Variants in ARHGAP32 observed in about 807,000 individuals in gnomAD.
ARHGAP32 encodes the protein rho GTPase-activating protein 32.
In ARHGAP32, 51 loss-of-function variants were observed where a neutral mutation model predicts 186.5. That is an observed-to-expected ratio of 0.27 (90% CI 0.22 to 0.35). The LOEUF (loss-of-function observed/expected upper bound fraction) is 0.35, where lower values mean the gene tolerates loss of function less well. Ranked by LOEUF, ARHGAP32 falls within the 10% of genes least tolerant of loss-of-function variation. The pLI is 1.00. For synonymous variants in ARHGAP32, 950 were observed against 964.3 expected (o/e 0.99, Z 0.27); for missense variants, 2,186 against 2,623.5 (o/e 0.83, Z 3.64).
At chr11:129,166,997 A>C (rs1943654089) in intron 1 of ARHGAP32, among the ~76,000 whole-genome samples, 1 of 152,182 alleles carries the variant, frequency 6.6e-6, no homozygotes, top group African/African-American at 2.4e-5. Flanking sequence ...TAAGTCAAAT[A>C]TATGTTGCAG....
chr11:129,117,284 C>T (rs947884182), intron 5 of ARHGAP32, among the ~76,000 whole-genome samples: 1 of 151,924 alleles, frequency 6.6e-6, no homozygotes, highest in Admixed American at 6.6e-5. Context: ...AATTTCTGTA[C>T]CTGAAATTGT....
At chr11:129,133,368 A>G (rs1942862147) in intron 2 of ARHGAP32, among the ~76,000 whole-genome samples, 1 of 152,214 alleles carries the variant, frequency 6.6e-6, no homozygotes, top group Non-Finnish European at 1.5e-5. Flanking sequence ...GAAATTTCTG[A>G]AAACAATACA....
In ARHGAP32 at chr11:128,965,107, T is replaced by C. The variant is rs914768135; in HGVS notation, c.*3800A>G. On this transcript the variant is annotated 3_prime_UTR_variant, in exon 23 of 23. Coordinates refer to ENST00000682385, the MANE Select transcript of ARHGAP32 (RefSeq NM_001378024.1). Reference sequence around the variant, plus strand: ...CTGTTGATATTTGAATCACTTTCAGTGGGACATTTGCTTTAAACCACAAGA... The same window carrying C: ...CTGTTGATATTTGAATCACTTTCAGCGGGACATTTGCTTTAAACCACAAGA... 1 of 152,118 alleles carries C rather than the reference T, an allele frequency of 6.6e-6. No homozygotes were observed. The highest frequency in any genetic ancestry group is 1.9e-4 in the East Asian group (1 of 5,194). 9.4% of individuals were successfully genotyped at this position (152,118 alleles called of 1,614,324 possible). A position where few individuals can be genotyped will look rare whatever the true frequency, so the allele number is the denominator to read the frequency against.
chr11:129,053,015 C>A (rs1417334821), intron 10 of ARHGAP32, among the ~76,000 whole-genome samples: 1 of 151,940 alleles, frequency 6.6e-6, no homozygotes, highest in African/African-American at 2.4e-5. Context: ...TGAGTTTTTA[C>A]ATGTATACAT....
intron 11 of ARHGAP32, among the ~76,000 whole-genome samples, chr11:129,035,512 A>G (rs1939293206): frequency 6.6e-6 from 1 of 152,236 alleles, no homozygotes; most frequent in South Asian, 2.1e-4. Flanking sequence ...AACAAGCCCA[A>G]GGCTGACAGA....
intron 14 of ARHGAP32, among the ~76,000 whole-genome samples, 153 bp downstream of exon 14, chr11:128,986,371 A>C (rs1945872255): frequency 2.0e-5 from 3 of 152,224 alleles, no homozygotes; most frequent in Admixed American, 2.0e-4. Context: ...AACAGCAAAG[A>C]CCACCGACTA....
intron 18 of ARHGAP32, 108 bp from the exon 19 acceptor site, chr11:128,979,023 T>C (rs1945632662): frequency 2.0e-6 from 2 of 992,096 alleles, no homozygotes; most frequent in East Asian, 5.2e-5. Context: ...TGGAGAAGCA[T>C]AAGTGAAACA....
chr11:129,067,752 G>T (rs574541332), intron 6 of ARHGAP32, among the ~76,000 whole-genome samples: 2 of 152,042 alleles, frequency 1.3e-5, no homozygotes, highest in Non-Finnish European at 2.9e-5. Flanking sequence ...TGGAGGGTCT[G>T]AAAGAAAAAG....
intron 2 of ARHGAP32, among the ~76,000 whole-genome samples, chr11:129,135,750 G>A (rs1224727253): frequency 6.6e-6 from 1 of 151,270 alleles, no homozygotes; most frequent in Non-Finnish European, 1.5e-5. Flanking sequence ...CTGGGCAACA[G>A]AGCGAGACTC....
intron 1 of ARHGAP32, among the ~76,000 whole-genome samples, chr11:129,255,012 G>A (rs1353737220): frequency 6.6e-6 from 1 of 152,078 alleles, no homozygotes; most frequent in Non-Finnish European, 1.5e-5. Flanking sequence ...ATGCTGTATG[G>A]TCAAAGTTAG....
intron 6 of ARHGAP32, among the ~76,000 whole-genome samples, chr11:129,085,744 C>A (rs1339007711): frequency 6.6e-6 from 1 of 152,084 alleles, no homozygotes; most frequent in East Asian, 1.9e-4. Flanking sequence ...TGGCTCATAC[C>A]TGTAATCCCA....
chr11:129,162,196 G>A (rs911961848), intron 2 of ARHGAP32, among the ~76,000 whole-genome samples: 1 of 152,040 alleles, frequency 6.6e-6, no homozygotes, highest in East Asian at 1.9e-4. Context: ...CCTAATGAAG[G>A]TGACAGGTGG....
At chr11:129,172,441 T>C (rs1192641255) in intron 1 of ARHGAP32, among the ~76,000 whole-genome samples, 1 of 152,156 alleles carries the variant, frequency 6.6e-6, no homozygotes, top group Non-Finnish European at 1.5e-5. Context: ...TGGTTTTGTC[T>C]TTGGTTCTGA....
chr11:129,250,398 T>C (rs1945165131), intron 1 of ARHGAP32, among the ~76,000 whole-genome samples: 1 of 152,210 alleles, frequency 6.6e-6, no homozygotes, highest in Admixed American at 6.5e-5. Flanking sequence ...ATTTTACATA[T>C]TGAATTACTA....
chr11:129,041,013 A>T lies in ARHGAP32; in HGVS notation c.964-4T>A. The T allele has an allele frequency of 1.9e-6, 3 of 1,584,910 alleles. No individual in the cohort carries two copies. The highest frequency in any genetic ancestry group is 2.6e-6 in the Non-Finnish European group (3 of 1,163,786). ...AGTGTCCAGGGAAGAGTCCCACCTGATGAAAAGCAACAAAGAAAGGATTCT... is the reference window on the plus strand; with the variant it reads ...AGTGTCCAGGGAAGAGTCCCACCTGTTGAAAAGCAACAAAGAAAGGATTCT... On this transcript the variant is annotated splice_region_variant and splice_polypyrimidine_tract_variant and intron_variant, in intron 10 of 22. Coordinates refer to ENST00000682385, the MANE Select transcript of ARHGAP32 (RefSeq NM_001378024.1).
At chr11:129,167,238 C>G (rs188432080) in intron 1 of ARHGAP32, among the ~76,000 whole-genome samples, 1 of 152,056 alleles carries the variant, frequency 6.6e-6, no homozygotes, top group Admixed American at 6.6e-5. Context: ...GGGAAAGATA[C>G]GGAGAAATCA....
chr11:129,015,617 C>T (rs1156507275), intron 11 of ARHGAP32, among the ~76,000 whole-genome samples: 5 of 152,154 alleles, frequency 3.3e-5, no homozygotes, highest in Admixed American at 3.3e-4. Flanking sequence ...ACTGTAACGA[C>T]ATGTGTATGT....
In ARHGAP32 at chr11:128,977,851, TTTATTATTATTATTATTATTATTATTA is replaced by T. The variant is rs58982581; in HGVS notation, c.2122+892_2122+918del. Among the ~76,000 whole-genome samples, 10 of 138,968 alleles carry T rather than the reference TTTATTATTATTATTATTATTATTATTA, an allele frequency of 7.2e-5. No homozygotes were observed. In the Admixed American group the frequency reaches 7.4e-4, roughly 10 times the overall value. 91.2% of individuals were successfully genotyped at this position (138,968 alleles called of 152,430 possible). ...GCCACCAAGCCTCGCTTATTTGCAA[TTTATTATTATTATTATTATTATTATTA>T]TTATTATTATTATTATTTTGTAGAT... On this transcript the variant is annotated intron_variant, in intron 19 of 22. Coordinates refer to ENST00000682385, the MANE Select transcript of ARHGAP32 (RefSeq NM_001378024.1).
At chr11:129,221,445 A>G (rs1053604472) in intron 1 of ARHGAP32, among the ~76,000 whole-genome samples, 2 of 149,224 alleles carry the variant, frequency 1.3e-5, no homozygotes, top group African/African-American at 5.0e-5. Context: ...CTAAAACCCC[A>G]TTACAATCGA....
Sources: gnomAD v4.1 joint callset for allele counts (sites outside exome capture counted in the v4.1 genomes callset) on GRCh38, gnomAD v4.1.1 for gene constraint, MANE v1.5 for transcripts, NCBI Gene and HGNC (gene_info 2026-07-23, HGNC 2026-07-21) for gene names.